The following CDH18 variants were observed in gnomAD, a reference collection of about 807,000 sequenced individuals.
CDH18 encodes cadherin 18.
CDH18 carries 31 observed loss-of-function variants against 67.9 expected under a neutral mutation model. The ratio of observed to expected loss-of-function variants is 0.46; its 90% CI spans 0.34 to 0.62. The LOEUF (loss-of-function observed/expected upper bound fraction) is 0.62. Ranked by LOEUF, CDH18 falls within the 20% of genes least tolerant of loss-of-function variation. The probability of loss-of-function intolerance (pLI) is 0.01; values close to 1 mark genes in which losing one functional copy is unlikely to be tolerated. For synonymous variants in CDH18, 362 were observed against 347.2 expected (o/e 1.04, Z -0.48); for missense variants, 890 against 975.5 (o/e 0.91, Z 1.17).
chr5:20,012,237 AT>A (rs1298945215), intron 2 of CDH18, among the ~76,000 whole-genome samples: 3 of 151,448 alleles, frequency 2.0e-5, no homozygotes. Flanking sequence ...GGTGTTTATA[AT>A]ATTCTCTGTT....
At chr5:19,767,333 A>C (rs1773221769) in intron 3 of CDH18, among the ~76,000 whole-genome samples, 1 of 152,056 alleles carries the variant, frequency 6.6e-6, no homozygotes, top group African/African-American at 2.4e-5. Flanking sequence ...AATTGTAATT[A>C]TATTGTCATA....
At chr5:20,442,825 CTGAT>C (rs1283829596) in intron 1 of CDH18, among the ~76,000 whole-genome samples, 1 of 151,790 alleles carries the variant, frequency 6.6e-6, no homozygotes, top group East Asian at 1.9e-4. Flanking sequence ...TATGAACAAG[CTGAT>C]TAATTGTACA....
intron 1 of CDH18, among the ~76,000 whole-genome samples, chr5:20,430,242 C>T (rs970393835): frequency 9.2e-5 from 14 of 152,130 alleles, no homozygotes; most frequent in African/African-American, 3.4e-4. Context: ...ATCCCTATCA[C>T]CTTATAAAAA....
chr5:19,965,661 A>G (rs1236921442), intron 2 of CDH18, among the ~76,000 whole-genome samples: 2 of 152,320 alleles, frequency 1.3e-5, no homozygotes, highest in Non-Finnish European at 2.9e-5. Flanking sequence ...AAAACTATAC[A>G]GTATGTCAAC....
intron 1 of CDH18, among the ~76,000 whole-genome samples, chr5:20,302,480 CCT>C: frequency 6.6e-6 from 1 of 152,178 alleles, no homozygotes; most frequent in East Asian, 1.9e-4. Flanking sequence ...TACAAGCTCA[CCT>C]CTCTCTGCGC....
chr5:20,556,570 C>T (rs1757918844), intron 1 of CDH18, among the ~76,000 whole-genome samples: 2 of 152,150 alleles, frequency 1.3e-5, no homozygotes, highest in Admixed American at 6.6e-5. Flanking sequence ...CAGCAGCAGG[C>T]TCTTGCTTTA....
intron 5 of CDH18, among the ~76,000 whole-genome samples, chr5:19,710,964 T>A (rs1487041828): frequency 6.6e-6 from 1 of 152,066 alleles, no homozygotes; most frequent in East Asian, 1.9e-4. Flanking sequence ...TAAGGCCAAC[T>A]GATCTTTTAA....
At chr5:20,128,549 CT>C (rs1195925829) in intron 2 of CDH18, among the ~76,000 whole-genome samples, 1 of 152,008 alleles carries the variant, frequency 6.6e-6, no homozygotes, top group African/African-American at 2.4e-5. Context: ...TGAATCAGCT[CT>C]TTTGCAACTA....
intron 6 of CDH18, among the ~76,000 whole-genome samples, chr5:19,596,904 C>G (rs1746264082): frequency 6.6e-6 from 1 of 152,220 alleles, no homozygotes; most frequent in South Asian, 2.1e-4. Context: ...TTTTAGTAGA[C>G]AGCCTTCAAG....
At chr5:20,402,544 A>AT (rs1171525031) in intron 1 of CDH18, among the ~76,000 whole-genome samples, 1 of 152,200 alleles carries the variant, frequency 6.6e-6, no homozygotes, top group East Asian at 1.9e-4. Context: ...TGGGTCACAT[A>AT]TTTTTTATTG....
intron 2 of CDH18, among the ~76,000 whole-genome samples, chr5:20,139,370 A>G (rs1231021857): frequency 6.6e-6 from 1 of 152,220 alleles, no homozygotes. Flanking sequence ...ACTCTAGAAG[A>G]AAACCCAGGA....
At chr5:20,098,482 T>C (rs1746177876) in intron 2 of CDH18, among the ~76,000 whole-genome samples, 1 of 152,092 alleles carries the variant, frequency 6.6e-6, no homozygotes, top group Non-Finnish European at 1.5e-5. Context: ...CAACTCCCCA[T>C]TTTCCAGAGT....
At chr5:19,912,332 C>A (rs1453585453) in intron 2 of CDH18, among the ~76,000 whole-genome samples, 1 of 152,058 alleles carries the variant, frequency 6.6e-6, no homozygotes, top group African/African-American at 2.4e-5. Context: ...GGTACTGAGG[C>A]TCTGGGAGTT....
chr5:19,704,561 C>T (rs746425838), intron 5 of CDH18, among the ~76,000 whole-genome samples: 1 of 151,972 alleles, frequency 6.6e-6, no homozygotes, highest in Non-Finnish European at 1.5e-5. Flanking sequence ...GAAGGAATTG[C>T]GTCAAGCAGA....
intron 1 of CDH18, among the ~76,000 whole-genome samples, chr5:20,544,585 G>A (rs941233876): frequency 3.9e-5 from 6 of 152,068 alleles, no homozygotes; most frequent in Non-Finnish European, 7.4e-5. Flanking sequence ...GAGAGAGCGA[G>A]AGAGGGAAAG....
At chr5:20,283,782 G>T (rs771370453) in intron 1 of CDH18, among the ~76,000 whole-genome samples, 3 of 151,956 alleles carry the variant, frequency 2.0e-5, no homozygotes, top group Non-Finnish European at 4.4e-5. Context: ...AATTAGTATG[G>T]CAAAGATATA....
intron 1 of CDH18, among the ~76,000 whole-genome samples, chr5:20,564,581 G>A (rs180880459): frequency 6.6e-6 from 1 of 152,178 alleles, no homozygotes; most frequent in East Asian, 1.9e-4. Context: ...CAAATATCAA[G>A]TGCTCTGGAA....
chr5:19,781,285 T>A (rs532114808), intron 3 of CDH18, among the ~76,000 whole-genome samples: 2 of 152,162 alleles, frequency 1.3e-5, no homozygotes, highest in Admixed American at 6.5e-5. Context: ...TTGACATTTT[T>A]AATTTTCTCA....
Position 19,483,341 on chromosome 5 carries a change from T to TAGGAG in CDH18, c.1841_1842insCTCCT (p.Ala615SerfsTer2). On this transcript the variant is annotated frameshift_variant, in exon 12 of 13. Transcript: ENST00000382275. LOFTEE classifies it high-confidence loss of function. ...CACAGAGAAGAATAGCGATTAAGGCTCCTGTACTCAAACCAGCCGAGGACA... is the reference window on the plus strand; with the variant it reads ...CACAGAGAAGAATAGCGATTAAGGCTAGGAGCCTGTACTCAAACCAGCCGAGGACA... 1 of 1,614,052 alleles carries TAGGAG rather than the reference T, an allele frequency of 6.2e-7. No individual in the cohort carries two copies. The highest frequency in any genetic ancestry group is 8.5e-7 in the Non-Finnish European group (1 of 1,179,996).
Sources: allele counts gnomAD v4.1 joint callset (sites outside exome capture counted in the v4.1 genomes callset), GRCh38; gene constraint gnomAD v4.1.1; transcripts MANE v1.5; gene names NCBI Gene and HGNC (gene_info 2026-07-23, HGNC 2026-07-21).